The following DNAJC24 variants were observed in gnomAD, a reference collection of about 807,000 sequenced individuals.
DNAJC24 encodes the protein DnaJ heat shock protein family (Hsp40) member C24.
Under a neutral mutation model 18.0 loss-of-function variants are expected in DNAJC24, and 17 were observed. The ratio of observed to expected loss-of-function variants is 0.94; its 90% CI spans 0.65 to 1.42. DNAJC24 has a LOEUF of 1.42. Among genes scored for constraint, DNAJC24 ranks in the 40% most tolerant of loss-of-function variants. The pLI, the probability that DNAJC24 is intolerant of heterozygous loss-of-function variation, is 0.00. For synonymous variants in DNAJC24, 55 were observed against 57.7 expected (o/e 0.95, Z 0.21); for missense variants, 158 against 175.6 (o/e 0.90, Z 0.57).
At position 31,372,701 on chromosome 11, in the gene DNAJC24, GA is replaced by G. The variant is rs1318333436; in HGVS notation, c.111+1843del. On this transcript the variant is annotated intron_variant, in intron 2 of 4. Coordinates refer to ENST00000465995, the MANE Select transcript of DNAJC24 (RefSeq NM_181706.5). ...TCACATATGCGCTAACAATGTATCAGAGAATTCTGGTTGCTCTACAGCTTTG... is the reference window on the plus strand; with the variant it reads ...TCACATATGCGCTAACAATGTATCAGGAATTCTGGTTGCTCTACAGCTTTG... 2.2e-5 allele frequency among the ~76,000 whole-genome samples: 3 copies of G among 135,886 alleles called. 1 individual carries two copies. Among genetic ancestry groups the G allele is most frequent in the Non-Finnish European group, 5.1e-5 (3 of 58,690 alleles). The allele number at this position is 135,886 out of a possible 152,430, so 89.1% of individuals were successfully genotyped here. A position where few individuals can be genotyped will look rare whatever the true frequency, so the allele number is the denominator to read the frequency against.
At chr11:31,372,118 C>T (rs1340549886) in intron 2 of DNAJC24, among the ~76,000 whole-genome samples, 6 of 151,692 alleles carry the variant, frequency 4.0e-5, no homozygotes, top group East Asian at 1.9e-4. Context: ...CCACTGCACC[C>T]GGCCGACTCT....
At chr11:31,370,013 G>A (rs1278692977) in intron 1 of DNAJC24, 101 bp downstream of exon 1, 1 of 152,428 alleles carries the variant, frequency 6.6e-6, no homozygotes, top group African/African-American at 2.4e-5. Flanking sequence ...CCGAGCTTGA[G>A]GAGGCCCCGG....
chr11:31,391,042 T>G (rs567822560), intron 2 of DNAJC24, among the ~76,000 whole-genome samples: 1 of 152,282 alleles, frequency 6.6e-6, no homozygotes, highest in East Asian at 1.9e-4. Context: ...GCAAGGATGG[T>G]TCAGCATACA....
chr11:31,396,236 T>C (rs1254997989), intron 2 of DNAJC24: 1 of 452,212 alleles, frequency 2.2e-6, no homozygotes, highest in Non-Finnish European at 4.4e-6. Flanking sequence ...ATGTCTTTCC[T>C]GATTATCTTC....
intron 2 of DNAJC24, among the ~76,000 whole-genome samples, chr11:31,371,304 A>G (rs1286142834): frequency 6.6e-6 from 1 of 152,240 alleles, no homozygotes; most frequent in Non-Finnish European, 1.5e-5. Context: ...TAAAGACAGT[A>G]TTTAAAAGGA....
chr11:31,374,256 G>C (rs1952291946), intron 2 of DNAJC24: 1 of 184,800 alleles, frequency 5.4e-6, no homozygotes, highest in South Asian at 7.4e-5. Context: ...TATCAGCTTG[G>C]GGAAATTCTT....
intron 2 of DNAJC24, among the ~76,000 whole-genome samples, chr11:31,398,451 A>C (rs1952565476): frequency 6.6e-6 from 1 of 152,222 alleles, no homozygotes; most frequent in African/African-American, 2.4e-5. Context: ...TAGCTTATAA[A>C]GTTAAATCAG....
At chr11:31,379,619 C>T (rs1412111809) in intron 2 of DNAJC24, among the ~76,000 whole-genome samples, 1 of 152,166 alleles carries the variant, frequency 6.6e-6, no homozygotes, top group African/African-American at 2.4e-5. Context: ...TAATCTGTCT[C>T]TCATTTGCCA....
At chr11:31,405,419 AG>A in intron 2 of DNAJC24, among the ~76,000 whole-genome samples, 1 of 150,672 alleles carries the variant, frequency 6.6e-6, no homozygotes, top group Non-Finnish European at 1.5e-5. Flanking sequence ...ACCATATTTA[AG>A]TCTCATAGCT....
intron 2 of DNAJC24, among the ~76,000 whole-genome samples, chr11:31,409,822 T>C (rs1178520934): frequency 1.3e-5 from 2 of 152,158 alleles, no homozygotes; most frequent in Non-Finnish European, 2.9e-5. Context: ...GTCAGCAGTA[T>C]ATGAGAATTC....
At chr11:31,399,449 C>G (rs549638159) in intron 2 of DNAJC24, among the ~76,000 whole-genome samples, 53 of 145,602 alleles carry the variant, frequency 3.6e-4, no homozygotes, top group African/African-American at 1.3e-3. Context: ...GAGTCTCGCT[C>G]CGTCACCCAG....
chr11:31,392,337 C>G (rs1006088226), intron 2 of DNAJC24, among the ~76,000 whole-genome samples: 2 of 152,000 alleles, frequency 1.3e-5, no homozygotes, highest in Non-Finnish European at 2.9e-5. Flanking sequence ...GTGTTGTGTG[C>G]CGGTATCACA....
chr11:31,378,670 T>A (rs941920900), intron 2 of DNAJC24, among the ~76,000 whole-genome samples: 1 of 152,106 alleles, frequency 6.6e-6, no homozygotes, highest in African/African-American at 2.4e-5. Context: ...TTTTTTAATA[T>A]TCCTATCGCA....
At chr11:31,389,335 C>G (rs1010852656) in intron 2 of DNAJC24, among the ~76,000 whole-genome samples, 1 of 151,488 alleles carries the variant, frequency 6.6e-6, no homozygotes, top group Non-Finnish European at 1.5e-5. Flanking sequence ...TTGAAACAAA[C>G]AAACAAAAAA....
At chr11:31,375,250 G>C (rs1952302002) in intron 2 of DNAJC24, among the ~76,000 whole-genome samples, 1 of 135,174 alleles carries the variant, frequency 7.4e-6, no homozygotes, top group African/African-American at 2.5e-5. Context: ...ACCCTTCTGT[G>C]GCCATATGCC....
At chr11:31,382,618 T>C (rs1320246676) in intron 2 of DNAJC24, among the ~76,000 whole-genome samples, 1 of 152,246 alleles carries the variant, frequency 6.6e-6, no homozygotes, top group African/African-American at 2.4e-5. Context: ...TACATATTGT[T>C]GTATACAGTT....
chr11:31,373,486 TC>T (rs1385484485), intron 2 of DNAJC24, among the ~76,000 whole-genome samples: 1 of 135,568 alleles, frequency 7.4e-6, no homozygotes, highest in African/African-American at 2.5e-5. Flanking sequence ...AATACCTCCA[TC>T]TTGATTACTG....
chr11:31,419,373 C>G (rs1952782396), intron 3 of DNAJC24, among the ~76,000 whole-genome samples: 1 of 151,966 alleles, frequency 6.6e-6, no homozygotes, highest in South Asian at 2.1e-4. Context: ...TGGGAGAAGA[C>G]AGTATAGATA....
intron 3 of DNAJC24, among the ~76,000 whole-genome samples, chr11:31,421,288 C>T (rs746604399): frequency 6.6e-6 from 1 of 152,102 alleles, no homozygotes. Flanking sequence ...AATTAAATTA[C>T]TTGGTTTTAA....
Sources: allele counts gnomAD v4.1 joint callset (sites outside exome capture counted in the v4.1 genomes callset), GRCh38; gene constraint gnomAD v4.1.1; transcripts MANE v1.5; gene names NCBI Gene and HGNC (gene_info 2026-07-23, HGNC 2026-07-21).